ANKDD1A: variants seen among roughly 807,000 people sequenced by gnomAD.
The protein encoded by ANKDD1A is ankyrin repeat and death domain-containing protein 1A.
A neutral mutation model predicts 63.5 loss-of-function variants in ANKDD1A; 59 were observed. That is an observed-to-expected ratio of 0.93 (90% confidence interval 0.75 to 1.15). ANKDD1A has a LOEUF of 1.15. Ranked by LOEUF, ANKDD1A falls within the 50% of genes most tolerant of loss-of-function variation. The pLI is 0.00. For synonymous variants in ANKDD1A, 266 were observed against 263.9 expected, an observed-to-expected ratio of 1.01 and a Z score of -0.08; for missense variants, 632 against 656.4, an observed-to-expected ratio of 0.96 and a Z score of 0.41.
chr15:64,911,922 A>G lies in ANKDD1A; in HGVS notation c.-9A>G, dbSNP rs566624206. ...GCACCAGCGCGCGCAGGGGCTGCGG[A>G]GCGGCAGGATGCAGGAGGAGCTGGC... On this transcript the variant is annotated 5_prime_UTR_variant, in exon 1 of 15. Transcript: ENST00000319580. The G allele has an allele frequency of 3.6e-5, 41 of 1,144,034 alleles. No homozygotes were observed. In the East Asian group the frequency reaches 1.7e-3, roughly 48 times the overall value. 70.9% of individuals were successfully genotyped at this position (1,144,034 alleles called of 1,614,324 possible). A position where few individuals can be genotyped will look rare whatever the true frequency, so the allele number is the denominator to read the frequency against.
intron 14 of ANKDD1A, among the ~76,000 whole-genome samples, chr15:64,952,861 T>C (rs1437284076): frequency 2.2e-5 from 3 of 139,184 alleles, no homozygotes; most frequent in Admixed American, 7.4e-5. Context: ...CTTCTCCTTC[T>C]TCTTTTCTTC....
At chr15:64,925,986 C>G (rs2085043452) in intron 4 of ANKDD1A, 80 bp from the exon 5 acceptor site, 1 of 1,300,656 alleles carries the variant, frequency 7.7e-7, no homozygotes, top group African/African-American at 1.5e-5. Context: ...GTCCCAAACA[C>G]TCGCTGTTTG....
intron 14 of ANKDD1A, 86 bp downstream of exon 14, chr15:64,950,058 C>A: frequency 6.4e-7 from 1 of 1,563,668 alleles, no homozygotes; most frequent in Non-Finnish European, 8.7e-7. Context: ...GCTGCTCAGA[C>A]AAGAATGCTG....
chr15:64,947,512 C>T lies in ANKDD1A; in HGVS notation c.1270C>T (p.Gln424Ter). 1.2e-6 allele frequency: 2 copies of T among 1,614,032 alleles called. No individual in the cohort carries two copies. The highest frequency in any genetic ancestry group is 1.7e-6 in the Non-Finnish European group (2 of 1,179,958). Residue 424 changes from glutamine (Q) to a stop codon, truncating the protein, a stop_gained, in exon 13 of 15, where the codon CAG becomes TAG. Coordinates refer to ENST00000319580, the MANE Select transcript of ANKDD1A (RefSeq NM_182703.6). LOFTEE classifies it high-confidence loss of function. ...GTGGCGGCTGGCCTCCAGGTATCTG[C>T]AGCCCCGTGAGTGGAAGAAGCTGGC... is the stretch of plus-strand genomic sequence containing the variant. ...VLWRLASRYL[Q>*]PREWKKLAYS...
At position 64,943,496 on chromosome 15, in the gene ANKDD1A, C is replaced by T; in HGVS notation, c.979C>T (p.Pro327Ser). 1 of 1,614,196 alleles carries T rather than the reference C, an allele frequency of 6.2e-7. No individual in the cohort carries two copies. The highest frequency in any genetic ancestry group is 8.5e-7 in the Non-Finnish European group (1 of 1,180,024). Residue 327 changes from proline (P) to serine (S), a missense_variant, in exon 11 of 15, where the codon CCC becomes TCC. Transcript: ENST00000319580. Reference protein sequence around the residue: ...VNAVDNRQQTPLHLAAEHAWQ... With the variant: ...VNAVDNRQQTSLHLAAEHAWQ... ...GCTTCTCCCCTAGAGGCAGCAGACG[C>T]CCCTTCACCTGGCTGCAGAGCACGC...
At chr15:64,929,742 C>G (rs1408859663) in intron 6 of ANKDD1A, among the ~76,000 whole-genome samples, 1 of 152,156 alleles carries the variant, frequency 6.6e-6, no homozygotes, top group African/African-American at 2.4e-5. Context: ...GCCATGTACC[C>G]CCGGCCCTAT....
At chr15:64,941,109 C>A (rs1359402332) in intron 9 of ANKDD1A, among the ~76,000 whole-genome samples, 2 of 152,096 alleles carry the variant, frequency 1.3e-5, no homozygotes, top group African/African-American at 4.8e-5. Flanking sequence ...TTACTTTTGT[C>A]TTATTCATTT....
At chr15:64,943,776 G>T (rs954239753) in intron 11 of ANKDD1A, 194 bp downstream of exon 11, 1 of 605,930 alleles carries the variant, frequency 1.7e-6, no homozygotes, top group Non-Finnish European at 2.9e-6. Flanking sequence ...CTCTACTAAG[G>T]TCCTTCAGCC....
chr15:64,915,223 T>A (rs937383310), intron 1 of ANKDD1A, among the ~76,000 whole-genome samples: 1 of 152,150 alleles, frequency 6.6e-6, no homozygotes, highest in African/African-American at 2.4e-5. Context: ...GAGAATCGCT[T>A]GAACCTGGGA....
Position 64,952,868 on chromosome 15 carries a change from CTT to C in ANKDD1A, c.1483+2897_1483+2898del, listed in dbSNP as rs2085323355. Among the ~76,000 whole-genome samples, 1,012 of 47,832 alleles carry C rather than the reference CTT, an allele frequency of 0.021. 43 individuals carry two copies. The South Asian group carries it at 0.26, about 12-fold the overall frequency. 31.4% of individuals were successfully genotyped at this position (47,832 alleles called of 152,430 possible). A position where few individuals can be genotyped will look rare whatever the true frequency, so the allele number is the denominator to read the frequency against. ...CCTTGTCTCTTCTCCTTCTTCTTTT[CTT>C]CTCTTTCTTCTTCTCCTTCTTCCTT... On this transcript the variant is annotated intron_variant, in intron 14 of 14. Transcript: ENST00000319580.
At chr15:64,924,580 G>C (rs1294702546) in intron 4 of ANKDD1A, among the ~76,000 whole-genome samples, 1 of 152,236 alleles carries the variant, frequency 6.6e-6, no homozygotes, top group Non-Finnish European at 1.5e-5. Context: ...TTTCGCTGCT[G>C]TTTATGTAGC....
chr15:64,927,585 A>G (rs542274373), intron 6 of ANKDD1A, among the ~76,000 whole-genome samples: 4 of 148,862 alleles, frequency 2.7e-5, no homozygotes, highest in African/African-American at 7.4e-5. Flanking sequence ...TAGGCAAAAT[A>G]TGTTACAGCA....
chr15:64,915,542 C>T (rs528206870), intron 1 of ANKDD1A, among the ~76,000 whole-genome samples: 9 of 152,276 alleles, frequency 5.9e-5, no homozygotes, highest in Middle Eastern at 3.4e-3. Flanking sequence ...AAAATGGCTT[C>T]GCCCTGCTCT....
chr15:64,954,032 TCTTC>T (rs2085370962), intron 14 of ANKDD1A, among the ~76,000 whole-genome samples: 1 of 113,184 alleles, frequency 8.8e-6, no homozygotes, highest in Non-Finnish European at 1.8e-5. Flanking sequence ...TTCTTTTCTT[TCTTC>T]TTCCTCTTCT....
At chr15:64,944,597 C>T in intron 11 of ANKDD1A, 55 bp from the exon 12 acceptor site, 1 of 1,542,778 alleles carries the variant, frequency 6.5e-7, no homozygotes, top group Non-Finnish European at 8.9e-7. Context: ...GCTAGAAACC[C>T]TTGTGTACCC....
rs1170062652 is a variant in ANKDD1A, at chr15:64,951,399, TTTTTC to T, written c.1483+1432_1483+1436del. 1,484 of 181,588 alleles carry T rather than the reference TTTTTC, an allele frequency of 8.2e-3. 21 individuals are homozygous for T. The highest frequency in any genetic ancestry group is 0.04 in the African/African-American group (730 of 18,212). The allele number at this position is 181,588 out of a possible 1,614,324, so 11.2% of individuals were successfully genotyped here. On this transcript the variant is annotated intron_variant, in intron 14 of 14. Coordinates refer to ENST00000319580, the MANE Select transcript of ANKDD1A (RefSeq NM_182703.6). ...TTTCTTTTTCTTTTCTTCTTCCTCT[TTTTTC>T]TTTTTTCTTTTCTTCCTCTTTTCTT...
chr15:64,932,822 T>C (rs1435526791), intron 8 of ANKDD1A: 4 of 152,088 alleles, frequency 2.6e-5, no homozygotes, highest in African/African-American at 9.7e-5. Flanking sequence ...AGGTGGCTCA[T>C]GCCTGTAACA....
chr15:64,934,320 A>G (rs1162918928), intron 9 of ANKDD1A, 86 bp downstream of exon 9: 6 of 1,314,148 alleles, frequency 4.6e-6, no homozygotes, highest in African/African-American at 4.4e-5. Flanking sequence ...AAACAGGCAC[A>G]TCGGATCCTT....
rs149501643 is a variant in ANKDD1A, at chr15:64,926,147, G to A, written c.448G>A (p.Val150Met). The A allele has an allele frequency of 1.6e-5, 26 of 1,613,922 alleles. No homozygotes were observed. Among genetic ancestry groups the A allele is most frequent in the Non-Finnish European group, 2.2e-5 (26 of 1,179,980 alleles). ...LAFIMEDLEDVALDHVDKLGR... is the reference protein window; with the variant it reads ...LAFIMEDLEDMALDHVDKLGR... ...GTTCATAATGGAGGACCTGGAGGAT[G>A]TGGCCCTGGACCACGTAGACAAGGT... Residue 150 changes from valine (V) to methionine (M), a missense_variant, in exon 5 of 15, where the codon GTG becomes ATG. Physicochemically the swap from Val to Met is conservative, Grantham distance 21 (BLOSUM62 1). Coordinates refer to ENST00000319580, the MANE Select transcript of ANKDD1A (RefSeq NM_182703.6).
Sources: allele counts gnomAD v4.1 joint callset (sites outside exome capture counted in the v4.1 genomes callset), GRCh38; gene constraint gnomAD v4.1.1; transcripts MANE v1.5; gene names NCBI Gene and HGNC (gene_info 2026-07-23, HGNC 2026-07-21).